PALM: variants seen among roughly 807,000 people sequenced by gnomAD.
The protein encoded by PALM is paralemmin.
A neutral mutation model predicts 30.7 loss-of-function variants in PALM; 18 were observed. The observed-to-expected ratio is 0.59, with a 90% CI of 0.41 to 0.87. The LOEUF (loss-of-function observed/expected upper bound fraction) is 0.87. PALM is among the 40% of genes least tolerant of loss of function. The probability of loss-of-function intolerance (pLI) is 0.00; values close to 1 mark genes in which losing one functional copy is unlikely to be tolerated. For missense variants in PALM, 529 were observed against 555.4 expected (o/e 0.95, Z 0.48); for synonymous variants, 286 against 242.8 (o/e 1.18, Z -1.66).
chr19:717,481 C>T lies in PALM; in HGVS notation c.5+8330C>T, dbSNP rs778759191. 2.0e-5 allele frequency among the ~76,000 whole-genome samples: 3 copies of T among 152,146 alleles called. No homozygotes were observed. In the East Asian group the frequency reaches 5.8e-4, roughly 29 times the overall value. ...TCCGCGCCGTGGCCTGGGTCAGAGC[C>T]TCGCTCCTGTTCACGGCTGAGTCAT... On this transcript the variant is annotated intron_variant, in intron 1 of 8. Coordinates refer to ENST00000338448, the MANE Select transcript of PALM (RefSeq NM_002579.3).
In PALM at chr19:746,634, G is replaced by A; in HGVS notation, c.984G>A (p.Leu328=). ...TTCAAGATACCATCACGGCGGAGCT[G>A]GTGGTCATCGAAGACGCGGCTGAGC... ...LGLQDTITAE[L]VVIEDAAEPK... The change falls in exon 9 of 9, where the codon CTG becomes CTA. Residue 328 remains leucine (L), a synonymous_variant. Transcript: ENST00000338448. The surrounding 1 kb of genome is among the most constrained non-coding windows in gnomAD (Gnocchi z 7.1). The A allele has an allele frequency of 1.9e-6, 3 of 1,612,958 alleles. No individual in the cohort carries two copies. The South Asian group carries it at 3.3e-5, about 18-fold the overall frequency.
At chr19:723,770 T>G (rs1205925729) in intron 1 of PALM, among the ~76,000 whole-genome samples, 1 of 152,100 alleles carries the variant, frequency 6.6e-6, no homozygotes, top group African/African-American at 2.4e-5. Flanking sequence ...TTTGTATTTT[T>G]TGGTAGAGAC....
intron 5 of PALM, among the ~76,000 whole-genome samples, chr19:733,607 C>T (rs1201675547): frequency 3.9e-5 from 6 of 152,126 alleles, no homozygotes; most frequent in African/African-American, 1.2e-4. Context: ...CAGGAGTGGA[C>T]GAGACTGGAG....
chr19:740,394 C>T lies in PALM; in HGVS notation c.545C>T (p.Thr182Ile). The T allele has an allele frequency of 1.9e-6, 3 of 1,559,154 alleles. No individual in the cohort carries two copies. The highest frequency in any genetic ancestry group is 2.6e-6 in the Non-Finnish European group (3 of 1,151,208). The change falls in exon 8 of 9, where the codon ACA becomes ATA. Residue 182 changes from threonine (T) to isoleucine (I), a missense_variant. Transcript: ENST00000338448. ...ATCACTGTGGAGAAGGACAAGGTGA[C>T]AGGGGAGACCAGGGTGCTGTCCAGC... ...VEITVEKDKV[T>I]GETRVLSSTT...
chr19:719,213 C>T, intron 1 of PALM: 41 of 985,594 alleles, frequency 4.2e-5, no homozygotes, highest in Non-Finnish European at 4.8e-5. Context: ...ACGCCCCTCC[C>T]GCCTCGGACA....
At position 742,264 on chromosome 19, in the gene PALM, TC is replaced by T. The variant is rs1200126087; in HGVS notation, c.634+1785del. 2.0e-5 allele frequency among the ~76,000 whole-genome samples: 3 copies of T among 151,870 alleles called. No individual in the cohort carries two copies. Among genetic ancestry groups the T allele is most frequent in the Non-Finnish European group, 4.4e-5 (3 of 67,984 alleles). On this transcript the variant is annotated intron_variant, in intron 8 of 8. Transcript: ENST00000338448. The surrounding 1 kb of genome is among the most constrained non-coding windows in gnomAD (Gnocchi z 5.5). ...CCTCCCCAGCTCTGGCACCCACGCA[TC>T]CCCTCCTGTCTCTCTGGATTGGCCT...
rs2032011536 is a variant in PALM, at chr19:709,821, T to G, written c.5+670T>G. On this transcript the variant is annotated intron_variant, in intron 1 of 8. Transcript: ENST00000338448. The surrounding 1 kb of genome is among the most constrained non-coding windows in gnomAD (Gnocchi z 4.3). ...TGGGATACCCTCTCGGGGAAGTGTCTCGGAGCTGGGGCTCCACTGGTGTAG... is the reference window on the plus strand; with the variant it reads ...TGGGATACCCTCTCGGGGAAGTGTCGCGGAGCTGGGGCTCCACTGGTGTAG... 6.6e-6 allele frequency among the ~76,000 whole-genome samples: 1 copy of G among 152,096 alleles called. No individual in the cohort carries two copies. Among genetic ancestry groups the G allele is most frequent in the African/African-American group, 2.4e-5 (1 of 41,410 alleles).
chr19:745,686 G>GAAA (rs5826707), intron 8 of PALM, among the ~76,000 whole-genome samples: 2 of 137,434 alleles, frequency 1.5e-5, no homozygotes, highest in African/African-American at 2.7e-5. Flanking sequence ...CTCCATCTCA[G>GAAA]AAAAAAAAAA....
chr19:734,298 G>A (rs914328430), intron 6 of PALM, 104 bp downstream of exon 6: 2 of 1,107,582 alleles, frequency 1.8e-6, no homozygotes, highest in South Asian at 1.3e-5. Context: ...GGTGCCTCAC[G>A]CCTGTGATCC....
chr19:744,888 A>G (rs1271947745), intron 8 of PALM, among the ~76,000 whole-genome samples: 2 of 119,858 alleles, frequency 1.7e-5, no homozygotes, highest in Non-Finnish European at 2.0e-5. Context: ...AGGGAGTCAA[A>G]AAAAAAAAGC....
At chr19:724,520 C>T (rs576130919) in intron 1 of PALM, among the ~76,000 whole-genome samples, 4 of 152,156 alleles carry the variant, frequency 2.6e-5, no homozygotes, top group African/African-American at 9.6e-5. Flanking sequence ...GGGGTTTCAC[C>T]ATGTTGGGCA....
chr19:719,634 G>C (rs1009690287), intron 1 of PALM: 3 of 986,006 alleles, frequency 3.0e-6, no homozygotes, highest in Non-Finnish European at 3.6e-6. Flanking sequence ...CCTTTGCCCG[G>C]GACTCAGCTC....
At position 709,164 on chromosome 19, in the gene PALM, G is replaced by C; in HGVS notation, c.5+13G>C. On this transcript the variant is annotated intron_variant, in intron 1 of 8. Coordinates refer to ENST00000338448, the MANE Select transcript of PALM (RefSeq NM_002579.3). The surrounding 1 kb of genome is among the most constrained non-coding windows in gnomAD (Gnocchi z 4.3). ...GCGGGGAGATGGAGTGAGTAGGCGC[G>C]CTCGGGCCGCGGGGCTGGGGGCCCG... 1 of 322,378 alleles carries C rather than the reference G, an allele frequency of 3.1e-6. No individual in the cohort carries two copies. Among genetic ancestry groups the C allele is most frequent in the East Asian group, 4.7e-5 (1 of 21,364 alleles). 20.0% of individuals were successfully genotyped at this position (322,378 alleles called of 1,614,324 possible). A position where few individuals can be genotyped will look rare whatever the true frequency, so the allele number is the denominator to read the frequency against.
At chr19:721,171 G>T (rs944183587) in intron 1 of PALM, among the ~76,000 whole-genome samples, 1 of 152,192 alleles carries the variant, frequency 6.6e-6, no homozygotes, top group East Asian at 1.9e-4. Context: ...ACCAACGGGG[G>T]AAGTGAAGGG....
chr19:732,567 C>T (rs2032907900), intron 5 of PALM, among the ~76,000 whole-genome samples: 2 of 152,184 alleles, frequency 1.3e-5, no homozygotes, highest in Admixed American at 6.5e-5. Flanking sequence ...TCGTGGCCGG[C>T]ACCTGTAATC....
chr19:734,330 C>T lies in PALM; in HGVS notation c.442+136C>T, dbSNP rs377423809. ...ATCCCAGCACTTTGGGAGGCCGAGGCGGGTAGATCTCCTGAGGTCAGGAGT... is the reference window on the plus strand; with the variant it reads ...ATCCCAGCACTTTGGGAGGCCGAGGTGGGTAGATCTCCTGAGGTCAGGAGT... On this transcript the variant is annotated intron_variant, in intron 6 of 8. Transcript: ENST00000338448. 9.7e-4 allele frequency: 745 copies of T among 765,284 alleles called. 9 individuals are homozygous for T. In the South Asian group the frequency reaches 0.011, roughly 11 times the overall value. The allele number at this position is 765,284 out of a possible 1,614,324, so 47.4% of individuals were successfully genotyped here.
At chr19:728,357 C>T (rs1243193958) in intron 4 of PALM, among the ~76,000 whole-genome samples, 2 of 152,210 alleles carry the variant, frequency 1.3e-5, no homozygotes, top group African/African-American at 2.4e-5. Flanking sequence ...TGCCCAGAGG[C>T]GGGAGGCCGG....
intron 1 of PALM, among the ~76,000 whole-genome samples, chr19:722,274 G>A (rs1250975297): frequency 6.6e-6 from 1 of 152,126 alleles, no homozygotes; most frequent in Non-Finnish European, 1.5e-5. Context: ...GGAGACAGTG[G>A]CACAATCACG....
chr19:723,311 G>C (rs1432259207), intron 1 of PALM, among the ~76,000 whole-genome samples: 1 of 152,070 alleles, frequency 6.6e-6, no homozygotes, highest in South Asian at 2.1e-4. Flanking sequence ...CAGCAGACAC[G>C]AAGGGCAGGC....
Sources: allele counts gnomAD v4.1 joint callset (sites outside exome capture counted in the v4.1 genomes callset), GRCh38; gene constraint gnomAD v4.1.1; non-coding constraint Gnocchi (gnomAD v3.1); transcripts MANE v1.5; gene names NCBI Gene and HGNC (gene_info 2026-07-23, HGNC 2026-07-21).